WFDC1: variants seen among roughly 807,000 people sequenced by gnomAD.
The protein encoded by WFDC1 is WAP four-disulfide core domain protein 1.
Under a neutral mutation model 32.9 loss-of-function variants are expected in WFDC1, and 39 were observed. The observed-to-expected ratio is 1.19, with a 90% CI of 0.92 to 1.55. WFDC1 has a LOEUF of 1.55. Ranked by LOEUF, WFDC1 falls within the 40% of genes most tolerant of loss-of-function variation. The probability of loss-of-function intolerance (pLI) is 0.00; values close to 1 mark genes in which losing one functional copy is unlikely to be tolerated. For synonymous variants in WFDC1, 184 were observed against 137.4 expected (o/e 1.34, Z -2.37); for missense variants, 386 against 309.5 (o/e 1.25, Z -1.85).
chr16:84,319,043 C>A, intron 3 of WFDC1: 1 of 241,668 alleles, frequency 4.1e-6, no homozygotes. Flanking sequence ...TGTGGGGATG[C>A]GTGCGTATAT....
In WFDC1 at chr16:84,312,366, C is replaced by T. The variant is rs574131369; in HGVS notation, c.145-595C>T. On this transcript the variant is annotated intron_variant, in intron 1 of 6. Coordinates refer to ENST00000219454, the MANE Select transcript of WFDC1 (RefSeq NM_021197.4). ...CCTGACTTCTCATGCCAGACATCAG[C>T]TTGGCCTGTTTTTGAGCTGCAAATA... Among the ~76,000 whole-genome samples, 3 of 152,200 alleles carry T rather than the reference C, an allele frequency of 2.0e-5. No individual in the cohort carries two copies. In the East Asian group the frequency reaches 5.8e-4, roughly 29 times the overall value.
chr16:84,302,764 C>T (rs2151368337), intron 1 of WFDC1, among the ~76,000 whole-genome samples: 1 of 152,292 alleles, frequency 6.6e-6, no homozygotes, highest in East Asian at 1.9e-4. Context: ...TCTGACTTGT[C>T]CTGAAACAGC....
intron 4 of WFDC1, among the ~76,000 whole-genome samples, chr16:84,321,841 T>A (rs1490884466): frequency 6.6e-6 from 1 of 152,242 alleles, no homozygotes; most frequent in Non-Finnish European, 1.5e-5. Flanking sequence ...CCAAAGCCTG[T>A]AACTTTCTTC....
In WFDC1 at chr16:84,308,688, CGCCATCCTTGGTGTAGAT is replaced by C. The variant is rs1407189974; in HGVS notation, c.145-4264_145-4247del. On this transcript the variant is annotated intron_variant, in intron 1 of 6. Coordinates refer to ENST00000219454, the MANE Select transcript of WFDC1 (RefSeq NM_021197.4). ...GTGTAGACACCAGCCTGGGTGTAGACGCCATCCTTGGTGTAGATGCCATCCTGAGTGTAGATGCCAGCC... is the reference window on the plus strand; with the variant it reads ...GTGTAGACACCAGCCTGGGTGTAGACGCCATCCTGAGTGTAGATGCCAGCC... Among the ~76,000 whole-genome samples, 7 of 151,840 alleles carry C rather than the reference CGCCATCCTTGGTGTAGAT, an allele frequency of 4.6e-5. No individual in the cohort carries two copies. The East Asian group carries it at 9.7e-4, about 21-fold the overall frequency.
chr16:84,306,012 AT>A (rs1907229926), intron 1 of WFDC1, among the ~76,000 whole-genome samples: 1 of 44,102 alleles, frequency 2.3e-5, no homozygotes, highest in Non-Finnish European at 4.1e-5. Flanking sequence ...CAAAATAATA[AT>A]AATAATAATA....
chr16:84,328,459 C>A (rs1476006346), intron 6 of WFDC1: 1 of 152,230 alleles, frequency 6.6e-6, no homozygotes, highest in Non-Finnish European at 1.5e-5. Context: ...TGTCAGATTG[C>A]AGGTTCCAGA....
At chr16:84,315,051 C>T (rs1907868040) in intron 2 of WFDC1, among the ~76,000 whole-genome samples, 1 of 152,240 alleles carries the variant, frequency 6.6e-6, no homozygotes, top group East Asian at 1.9e-4. Flanking sequence ...GGCAGACCTG[C>T]AGTTTCCATC....
rs1446201348 is a variant in WFDC1, at chr16:84,318,467, C to A, written c.421+112C>A. On this transcript the variant is annotated intron_variant, in intron 3 of 6. Coordinates refer to ENST00000219454, the MANE Select transcript of WFDC1 (RefSeq NM_021197.4). ...GGCTGTCCCCCATGCACGGGCCCTT[C>A]AGCCAAACACTCAGCCCTCTTTGAT... 3 of 961,978 alleles carry A rather than the reference C, an allele frequency of 3.1e-6. No homozygotes were observed. The African/African-American group carries it at 4.9e-5, about 16-fold the overall frequency. 59.6% of individuals were successfully genotyped at this position (961,978 alleles called of 1,614,324 possible).
chr16:84,306,136 C>T (rs1907242545), intron 1 of WFDC1, among the ~76,000 whole-genome samples: 1 of 152,164 alleles, frequency 6.6e-6, no homozygotes, highest in African/African-American at 2.4e-5. Flanking sequence ...ATCTTCACCA[C>T]AGACATCGGC....
chr16:84,315,125 C>T (rs1251033032), intron 2 of WFDC1, among the ~76,000 whole-genome samples: 1 of 152,226 alleles, frequency 6.6e-6, no homozygotes, highest in African/African-American at 2.4e-5. Flanking sequence ...TGTGGAGCCC[C>T]TGCCCTGGCA....
chr16:84,316,342 A>T (rs908545335), intron 2 of WFDC1: 1 of 152,148 alleles, frequency 6.6e-6, no homozygotes, highest in African/African-American at 2.4e-5. Flanking sequence ...GATGCTAATT[A>T]TTTTTCTATT....
chr16:84,302,835 C>T lies in WFDC1; in HGVS notation c.144+7720C>T, dbSNP rs564991656. On this transcript the variant is annotated intron_variant, in intron 1 of 6. Coordinates refer to ENST00000219454, the MANE Select transcript of WFDC1 (RefSeq NM_021197.4). ...TCGGAACTCCCCATTTCCAGCCCAG[C>T]GCCCGAAACCCAGTGGGCCTGGGAA... Among the ~76,000 whole-genome samples the T allele has an allele frequency of 2.2e-4, 34 of 152,186 alleles. No individual in the cohort carries two copies. In the South Asian group the frequency reaches 2.7e-3, roughly 12 times the overall value.
chr16:84,329,296 C>T (rs921111718), intron 6 of WFDC1, 26 bp from the exon 7 acceptor site: 1 of 152,306 alleles, frequency 6.6e-6, no homozygotes. Flanking sequence ...GCGGTTCACC[C>T]TGATCCTTCT....
At chr16:84,319,827 G>A (rs1440645876) in intron 4 of WFDC1, among the ~76,000 whole-genome samples, 1 of 152,148 alleles carries the variant, frequency 6.6e-6, no homozygotes, top group Non-Finnish European at 1.5e-5. Context: ...CTCCCAGCTG[G>A]GCGACACTGG....
rs762315378 is a variant in WFDC1 at position 84,294,932 on chromosome 16, T to C, written c.-40T>C. ...AGGCCCACGCAGCGAGGGGGGCCCC[T>C]CTTCTGTGTGCGTCTGGAAGGTCGC... On this transcript the variant is annotated 5_prime_UTR_variant, in exon 1 of 7. Coordinates refer to ENST00000219454, the MANE Select transcript of WFDC1 (RefSeq NM_021197.4). 1.3e-6 allele frequency: 2 copies of C among 1,594,534 alleles called. No homozygotes were observed. The highest frequency in any genetic ancestry group is 2.3e-5 in the South Asian group (2 of 87,358).
chr16:84,322,221 G>A (rs897377091), intron 4 of WFDC1, among the ~76,000 whole-genome samples: 1 of 145,408 alleles, frequency 6.9e-6, no homozygotes, highest in Admixed American at 7.0e-5. Flanking sequence ...ACGATTTGAG[G>A]CTTCCAAATG....
At chr16:84,319,675 A>G in intron 4 of WFDC1, 104 bp downstream of exon 4, 2 of 1,458,928 alleles carry the variant, frequency 1.4e-6, no homozygotes, top group Non-Finnish European at 1.8e-6. Flanking sequence ...AAGCAGCCCC[A>G]GCACCTGGGC....
intron 1 of WFDC1, chr16:84,295,482 C>T (rs562721377): frequency 2.6e-6 from 1 of 387,988 alleles, no homozygotes; most frequent in Non-Finnish European, 4.6e-6. Context: ...GTGAAATACA[C>T]TTATGCATTC....
chr16:84,305,350 C>A (rs1160005238), intron 1 of WFDC1, among the ~76,000 whole-genome samples: 1 of 152,222 alleles, frequency 6.6e-6, no homozygotes, highest in Non-Finnish European at 1.5e-5. Context: ...TTCAGGTGGT[C>A]CTCCGAGGGC....
Sources: allele counts gnomAD v4.1 joint callset (sites outside exome capture counted in the v4.1 genomes callset), GRCh38; gene constraint gnomAD v4.1.1; transcripts MANE v1.5; gene names NCBI Gene and HGNC (gene_info 2026-07-23, HGNC 2026-07-21).